Variants in STARD6 observed in about 807,000 individuals in gnomAD.
STARD6 encodes StAR related lipid transfer domain containing 6, also known as stAR-related lipid transfer protein 6.
STARD6 carries 21 observed loss-of-function variants against 22.3 expected under a neutral mutation model. That is an observed-to-expected ratio of 0.94 (90% CI 0.67 to 1.35). The LOEUF is 1.35. STARD6 is among the 40% of genes most tolerant of loss of function. The pLI is 0.00. For missense variants in STARD6, 269 were observed against 266.9 expected (o/e 1.01, Z -0.05); for synonymous variants, 80 against 88.1 (o/e 0.91, Z 0.52).
At chr18:54,340,285 C>A (rs1441424445) in intron 4 of STARD6, among the ~76,000 whole-genome samples, 2 of 151,962 alleles carry the variant, frequency 1.3e-5, no homozygotes, top group East Asian at 1.9e-4. Context: ...GGGACTGGAA[C>A]CATATAGAAG....
Position 54,341,177 on chromosome 18 carries a change from AG to A in STARD6, c.141-3927del, listed in dbSNP as rs879657853. 2.0e-3 allele frequency among the ~76,000 whole-genome samples: 298 copies of A among 152,252 alleles called. 1 individual carries two copies. The highest frequency in any genetic ancestry group is 3.9e-3 in the Admixed American group (59 of 15,298). On this transcript the variant is annotated intron_variant, in intron 4 of 7. Transcript: ENST00000307844. ...AGGGTTCACGCCATTCTCCTGCCTCAGCCTGCCAAGTAGCTGGGACTAGAGG... is the reference window on the plus strand; with the variant it reads ...AGGGTTCACGCCATTCTCCTGCCTCACCTGCCAAGTAGCTGGGACTAGAGG...
chr18:54,331,898 TAATATC>T, intron 5 of STARD6, 39 bp from the exon 6 acceptor site: 2 of 1,379,354 alleles, frequency 1.4e-6, no homozygotes, highest in Non-Finnish European at 2.0e-6. Flanking sequence ...AAACGTTACT[TAATATC>T]TATTCTTTGT....
chr18:54,333,115 C>T (rs909171158), intron 5 of STARD6, among the ~76,000 whole-genome samples: 8 of 152,098 alleles, frequency 5.3e-5, no homozygotes, highest in Non-Finnish European at 1.2e-4. Flanking sequence ...GATGTCACGT[C>T]TAGTATTCTT....
chr18:54,354,610 A>C (rs1303506738), intron 2 of STARD6, 33 bp from the exon 3 acceptor site: 3 of 1,473,450 alleles, frequency 2.0e-6, no homozygotes, highest in Non-Finnish European at 2.8e-6. Flanking sequence ...ACTGGTAAGA[A>C]TATAACCATA....
At chr18:54,348,630 A>G (rs2144692156) in intron 4 of STARD6, among the ~76,000 whole-genome samples, 1 of 152,266 alleles carries the variant, frequency 6.6e-6, no homozygotes, top group East Asian at 1.9e-4. Context: ...AATATGAGAA[A>G]TATATTTAGA....
chr18:54,355,026 G>A (rs2089131770), intron 2 of STARD6, among the ~76,000 whole-genome samples: 1 of 152,170 alleles, frequency 6.6e-6, no homozygotes, highest in South Asian at 2.1e-4. Flanking sequence ...GTCTTGTGAA[G>A]CATTATGAGC....
At chr18:54,335,239 A>G (rs1179169374) in intron 5 of STARD6, among the ~76,000 whole-genome samples, 3 of 151,594 alleles carry the variant, frequency 2.0e-5, no homozygotes, top group Non-Finnish European at 4.4e-5. Context: ...TTGTTGCCCA[A>G]GCTGGAGTGC....
intron 4 of STARD6, among the ~76,000 whole-genome samples, chr18:54,353,679 A>G (rs952853926): frequency 2.6e-5 from 4 of 152,232 alleles, no homozygotes; most frequent in Non-Finnish European, 5.9e-5. Context: ...AATAAAATGA[A>G]GAAATACACT....
chr18:54,329,246 A>T, intron 7 of STARD6, 101 bp downstream of exon 7: 2 of 880,396 alleles, frequency 2.3e-6, no homozygotes, highest in Non-Finnish European at 3.4e-6. Flanking sequence ...GCAACAGAAT[A>T]TGCTGCTACA....
At chr18:54,336,366 G>T (rs941638297) in intron 5 of STARD6, among the ~76,000 whole-genome samples, 2 of 152,120 alleles carry the variant, frequency 1.3e-5, no homozygotes, top group South Asian at 2.1e-4. Flanking sequence ...TGGATCATGG[G>T]GGTGGTTTCC....
At chr18:54,337,339 T>G (rs1305287695) in intron 4 of STARD6, 88 bp from the exon 5 acceptor site, 7 of 1,268,648 alleles carry the variant, frequency 5.5e-6, no homozygotes, top group Admixed American at 2.5e-5. Context: ...AAAGGTAGGC[T>G]AATTTAGCAA....
intron 4 of STARD6, among the ~76,000 whole-genome samples, chr18:54,345,504 A>G (rs1464002218): frequency 6.6e-6 from 1 of 152,188 alleles, no homozygotes; most frequent in Admixed American, 6.5e-5. Flanking sequence ...AAATTGAACT[A>G]CAGAATCAAA....
chr18:54,357,424 T>C (rs751678466), intron 1 of STARD6, among the ~76,000 whole-genome samples: 4 of 151,518 alleles, frequency 2.6e-5, no homozygotes, highest in Non-Finnish European at 4.4e-5. Context: ...GGCTCCGGGG[T>C]GTGAGAGGAA....
At chr18:54,355,514 A>G (rs1211571356) in intron 2 of STARD6, among the ~76,000 whole-genome samples, 2 of 152,132 alleles carry the variant, frequency 1.3e-5, no homozygotes, top group Non-Finnish European at 2.9e-5. Context: ...AAGAGACCCC[A>G]GGGAGCTCAA....
intron 2 of STARD6, 87 bp from the exon 3 acceptor site, chr18:54,354,664 A>G (rs888654067): frequency 4.6e-6 from 4 of 876,144 alleles, no homozygotes; most frequent in African/African-American, 3.4e-5. Flanking sequence ...TATTATTTCT[A>G]TAATGCCTGT....
At chr18:54,354,653 A>G (rs1454508637) in intron 2 of STARD6, 76 bp from the exon 3 acceptor site, 12 of 1,010,506 alleles carry the variant, frequency 1.2e-5, no homozygotes, top group Non-Finnish European at 1.7e-5. Flanking sequence ...TTACATTTTA[A>G]TATTATTTCT....
At chr18:54,334,018 A>T (rs2088888207) in intron 5 of STARD6, among the ~76,000 whole-genome samples, 1 of 152,228 alleles carries the variant, frequency 6.6e-6, no homozygotes, top group African/African-American at 2.4e-5. Flanking sequence ...AAAACAGCTT[A>T]TTGAGTATAA....
At chr18:54,337,541 T>C (rs1356293421) in intron 4 of STARD6, among the ~76,000 whole-genome samples, 2 of 152,218 alleles carry the variant, frequency 1.3e-5, no homozygotes, top group Non-Finnish European at 2.9e-5. Flanking sequence ...GACTGTACGG[T>C]GGGTTGGCAC....
rs781554913 is a variant in STARD6, at chr18:54,354,042, G to T, written c.140+12C>A. Reference sequence around the variant, plus strand: ...TTTAAAACAGTAATTGTAAATAGAAGATTGTACTCACAGATTTCCATGGAA... The same window carrying T: ...TTTAAAACAGTAATTGTAAATAGAATATTGTACTCACAGATTTCCATGGAA... On this transcript the variant is annotated intron_variant, in intron 4 of 7. Coordinates refer to ENST00000307844, the MANE Select transcript of STARD6 (RefSeq NM_139171.2). The T allele has an allele frequency of 2.0e-6, 3 of 1,531,566 alleles. No individual in the cohort carries two copies. The highest frequency in any genetic ancestry group is 4.7e-5 in the East Asian group (2 of 42,824). 94.9% of individuals were successfully genotyped at this position (1,531,566 alleles called of 1,614,324 possible).
Sources: allele counts gnomAD v4.1 joint callset (sites outside exome capture counted in the v4.1 genomes callset), GRCh38; gene constraint gnomAD v4.1.1; transcripts MANE v1.5; gene names NCBI Gene and HGNC (gene_info 2026-07-23, HGNC 2026-07-21).